Variants in OPCML observed in about 807,000 individuals in gnomAD.
OPCML encodes the protein opioid-binding protein/cell adhesion molecule.
Under a neutral mutation model 37.8 loss-of-function variants are expected in OPCML, and 13 were observed. The observed-to-expected ratio is 0.34, with a 90% confidence interval of 0.22 to 0.55. The LOEUF is 0.55. Among genes scored for constraint, OPCML ranks in the 20% least tolerant of loss-of-function variants. OPCML has a pLI of 0.91. For synonymous variants in OPCML, 176 were observed against 168.8 expected (o/e 1.04, Z -0.33); for missense variants, 341 against 435.6 (o/e 0.78, Z 1.93).
At chr11:132,572,593 T>C (rs1443250882) in intron 3 of OPCML, among the ~76,000 whole-genome samples, 1 of 152,166 alleles carries the variant, frequency 6.6e-6, no homozygotes, top group African/African-American at 2.4e-5. Flanking sequence ...TTCTTTATTC[T>C]GTTCCATTGG....
rs994466363 is a variant in OPCML at position 132,621,332 on chromosome 11, A to T, written c.379+35755T>A. ...TCCCAATAAAAATTAGTAGTTGTAC[A>T]TTCAAAGGACATGAATAAAAATGTT... On this transcript the variant is annotated intron_variant, in intron 3 of 7. Transcript: ENST00000524381. Among the ~76,000 whole-genome samples the T allele has an allele frequency of 4.6e-5, 7 of 152,346 alleles. 1 individual carries two copies. The highest frequency in any genetic ancestry group is 3.9e-4 in the Admixed American group (6 of 15,302).
chr11:133,378,527 A>C (rs994589604), intron 1 of OPCML, among the ~76,000 whole-genome samples: 4 of 152,178 alleles, frequency 2.6e-5, no homozygotes, highest in Non-Finnish European at 5.9e-5. Context: ...CAAATTTTAA[A>C]GTAATTTAAA....
chr11:132,642,493 A>G (rs1483525443), intron 3 of OPCML, among the ~76,000 whole-genome samples: 1 of 152,228 alleles, frequency 6.6e-6, no homozygotes, highest in African/African-American at 2.4e-5. Context: ...ATTGTTATCC[A>G]CAAAATCTAA....
At chr11:132,921,110 T>C (rs182045166) in intron 2 of OPCML, among the ~76,000 whole-genome samples, 31 of 152,364 alleles carry the variant, frequency 2.0e-4, no homozygotes, top group Middle Eastern at 3.4e-3. Context: ...TCTTTCCTGA[T>C]AGTACTGTGT....
intron 1 of OPCML, among the ~76,000 whole-genome samples, chr11:133,089,715 G>A (rs1197350422): frequency 6.6e-6 from 1 of 151,880 alleles, no homozygotes; most frequent in South Asian, 2.1e-4. Context: ...ATTTGGAACT[G>A]AAACTATCAG....
chr11:132,561,468 T>C (rs375403868), intron 3 of OPCML, among the ~76,000 whole-genome samples: 3 of 152,218 alleles, frequency 2.0e-5, no homozygotes, highest in African/African-American at 7.2e-5. Flanking sequence ...TGACACCATG[T>C]TTGTCTGCCA....
At chr11:132,953,417 C>T (rs749937941) in intron 1 of OPCML, among the ~76,000 whole-genome samples, 54 of 152,276 alleles carry the variant, frequency 3.5e-4, no homozygotes, top group Admixed American at 1.0e-3. Flanking sequence ...GAAGCATGGG[C>T]ATCAACTACA....
intron 2 of OPCML, among the ~76,000 whole-genome samples, chr11:132,747,019 G>A (rs1945656632): frequency 6.6e-6 from 1 of 152,040 alleles, no homozygotes; most frequent in Non-Finnish European, 1.5e-5. Flanking sequence ...ATTACTACAA[G>A]GATCAAATGA....
intron 2 of OPCML, among the ~76,000 whole-genome samples, chr11:132,909,675 T>C (rs112691226): frequency 0.023 from 3,434 of 152,278 alleles, 126 homozygotes; most frequent in African/African-American, 0.076. Flanking sequence ...GTCACATCAG[T>C]GTCGGCTGAT....
At chr11:133,245,170 C>A (rs1402838916) in intron 1 of OPCML, among the ~76,000 whole-genome samples, 3 of 152,192 alleles carry the variant, frequency 2.0e-5, no homozygotes, top group African/African-American at 7.2e-5. Flanking sequence ...GGTGTGGAGC[C>A]ATATAGCACA....
intron 3 of OPCML, among the ~76,000 whole-genome samples, chr11:132,601,992 T>C (rs1937948756): frequency 6.6e-6 from 1 of 152,154 alleles, no homozygotes; most frequent in African/African-American, 2.4e-5. Flanking sequence ...GGCACTATGA[T>C]TCATGTCTGC....
intron 2 of OPCML, among the ~76,000 whole-genome samples, chr11:132,866,100 T>C (rs934178814): frequency 1.3e-5 from 2 of 152,140 alleles, no homozygotes; most frequent in African/African-American, 4.8e-5. Flanking sequence ...TAAAAATGAT[T>C]GCACATAAAA....
chr11:133,118,175 G>C, intron 1 of OPCML: 1 of 931,614 alleles, frequency 1.1e-6, no homozygotes, highest in Non-Finnish European at 1.3e-6. Context: ...AAAAGTGGTA[G>C]TGCAGTGCCT....
chr11:132,642,016 T>C (rs1222105197), intron 3 of OPCML, among the ~76,000 whole-genome samples: 1 of 152,204 alleles, frequency 6.6e-6, no homozygotes, highest in Non-Finnish European at 1.5e-5. Context: ...TAATTGTATA[T>C]TGTTTTGTCT....
intron 1 of OPCML, among the ~76,000 whole-genome samples, chr11:133,090,939 C>T (rs951312656): frequency 6.6e-6 from 1 of 152,134 alleles, no homozygotes; most frequent in Non-Finnish European, 1.5e-5. Context: ...AACAATGACC[C>T]AGAGGGCATT....
At chr11:132,663,377 T>A (rs1004025264) in intron 2 of OPCML, among the ~76,000 whole-genome samples, 1 of 152,204 alleles carries the variant, frequency 6.6e-6, no homozygotes, top group African/African-American at 2.4e-5. Flanking sequence ...GATAACTGAA[T>A]CTATATCTTT....
intron 4 of OPCML, among the ~76,000 whole-genome samples, chr11:132,514,420 G>C (rs2137201891): frequency 6.6e-6 from 1 of 152,272 alleles, no homozygotes; most frequent in African/African-American, 2.4e-5. Flanking sequence ...AAGGAGAGAA[G>C]GAGTATCAGG....
intron 4 of OPCML, among the ~76,000 whole-genome samples, chr11:132,527,576 G>T (rs943916288): frequency 2.6e-5 from 4 of 151,578 alleles, no homozygotes; most frequent in African/African-American, 9.7e-5. Context: ...TGGAGTGTTA[G>T]AATTGTGTTG....
At position 132,853,012 on chromosome 11, in the gene OPCML, G is replaced by A. The variant is rs59743594; in HGVS notation, c.146+89914C>T. On this transcript the variant is annotated intron_variant, in intron 2 of 7. Transcript: ENST00000524381. ...GAAAAAGTTTGCCGGCAGGAAAAAA[G>A]CAATTGTGTCATCATTTGAATTGTG... Among the ~76,000 whole-genome samples the A allele has an allele frequency of 6.7e-3, 1,017 of 152,102 alleles. 17 individuals are homozygous for A. Among genetic ancestry groups the A allele is most frequent in the African/African-American group, 0.022 (903 of 41,478 alleles).
Sources: gnomAD v4.1 joint callset for allele counts (sites outside exome capture counted in the v4.1 genomes callset) on GRCh38, gnomAD v4.1.1 for gene constraint, MANE v1.5 for transcripts, NCBI Gene and HGNC (gene_info 2026-07-23, HGNC 2026-07-21) for gene names.